Variants in UBE2K observed in about 807,000 individuals in gnomAD.
UBE2K encodes ubiquitin-conjugating enzyme E2 K.
Under a neutral mutation model 30.0 loss-of-function variants are expected in UBE2K, and 6 were observed. That is an observed-to-expected ratio of 0.20 (90% CI 0.11 to 0.39). The LOEUF is 0.39. Ranked by LOEUF, UBE2K falls within the 10% of genes least tolerant of loss-of-function variation. UBE2K has a pLI of 1.00. For synonymous variants in UBE2K, 86 were observed against 83.7 expected (o/e 1.03, Z -0.15); for missense variants, 61 against 241.6 (o/e 0.25, Z 4.96).
intron 1 of UBE2K, among the ~76,000 whole-genome samples, chr4:39,702,687 T>G (rs1456837976): frequency 6.6e-6 from 1 of 152,206 alleles, no homozygotes; most frequent in Non-Finnish European, 1.5e-5. Flanking sequence ...CCTTTAAAAT[T>G]TTAATGTACT....
intron 6 of UBE2K, 105 bp from the exon 7 acceptor site, chr4:39,778,255 A>G: frequency 1.7e-6 from 1 of 597,460 alleles, no homozygotes; most frequent in Non-Finnish European, 2.7e-6. Flanking sequence ...ATCAACTTAC[A>G]GAAAAGAAAC....
chr4:39,710,756 T>C (rs1484380297), intron 1 of UBE2K, among the ~76,000 whole-genome samples: 5 of 152,092 alleles, frequency 3.3e-5, no homozygotes, highest in African/African-American at 1.2e-4. Context: ...AGAGTTATAC[T>C]CATATCTGCT....
At chr4:39,754,440 C>G (rs1055114800) in intron 3 of UBE2K, among the ~76,000 whole-genome samples, 1 of 152,134 alleles carries the variant, frequency 6.6e-6, no homozygotes, top group Admixed American at 6.5e-5. Context: ...GTAAACAAAT[C>G]AAGAAGTCAC....
rs1717801258 is a variant in UBE2K at position 39,698,254 on chromosome 4, G to T, written c.-74G>T. 6.9e-7 allele frequency: 1 copy of T among 1,439,422 alleles called. No individual in the cohort carries two copies. The highest frequency in any genetic ancestry group is 9.6e-7 in the Non-Finnish European group (1 of 1,036,576). 89.2% of individuals were successfully genotyped at this position (1,439,422 alleles called of 1,614,324 possible). Reference sequence around the variant, plus strand: ...ATCGCCGAGGGAGGAGGCGGTGGAGGAAGAGGTGGCGGCGGTGGCGGTGGT... The same window carrying T: ...ATCGCCGAGGGAGGAGGCGGTGGAGTAAGAGGTGGCGGCGGTGGCGGTGGT... On this transcript the variant is annotated 5_prime_UTR_variant, in exon 1 of 7. Coordinates refer to ENST00000261427, the MANE Select transcript of UBE2K (RefSeq NM_005339.5).
intron 2 of UBE2K, 75 bp from the exon 3 acceptor site, chr4:39,745,677 A>G: frequency 1.0e-6 from 1 of 977,768 alleles, no homozygotes; most frequent in South Asian, 1.5e-5. Context: ...GCTGCTCTGA[A>G]AAGCTCATCA....
In UBE2K at chr4:39,715,786, C is replaced by T. The variant is rs190807414; in HGVS notation, c.63+17396C>T. 1.2e-4 allele frequency among the ~76,000 whole-genome samples: 19 copies of T among 152,156 alleles called. No homozygotes were observed. The East Asian group carries it at 3.5e-3, about 28-fold the overall frequency. On this transcript the variant is annotated intron_variant, in intron 1 of 6. Coordinates refer to ENST00000261427, the MANE Select transcript of UBE2K (RefSeq NM_005339.5). ...GATATTAATAAAGGCATTCTCGGACCCAGGTCACTGGTTGGCCTGACCTCC... is the reference window on the plus strand; with the variant it reads ...GATATTAATAAAGGCATTCTCGGACTCAGGTCACTGGTTGGCCTGACCTCC...
At chr4:39,717,719 AC>A (rs1348904302) in intron 1 of UBE2K, among the ~76,000 whole-genome samples, 3 of 152,134 alleles carry the variant, frequency 2.0e-5, no homozygotes, top group African/African-American at 7.2e-5. Flanking sequence ...GAAGCCACGG[AC>A]CCTTGCGGTG....
chr4:39,773,530 G>A (rs564216878), intron 4 of UBE2K, among the ~76,000 whole-genome samples: 2 of 152,182 alleles, frequency 1.3e-5, no homozygotes, highest in African/African-American at 4.8e-5. Context: ...TTTTTAGAGT[G>A]CCATTGAAAG....
At chr4:39,744,506 A>C (rs1720880751) in intron 2 of UBE2K, among the ~76,000 whole-genome samples, 1 of 152,078 alleles carries the variant, frequency 6.6e-6, no homozygotes, top group African/African-American at 2.4e-5. Context: ...TATAGCTGCT[A>C]GTTGCTCAAG....
intron 2 of UBE2K, among the ~76,000 whole-genome samples, chr4:39,743,628 G>A (rs563348968): frequency 6.6e-6 from 1 of 151,392 alleles, no homozygotes; most frequent in East Asian, 1.9e-4. Context: ...AGAATATAAT[G>A]AAACCTCTTC....
intron 4 of UBE2K, among the ~76,000 whole-genome samples, chr4:39,758,275 C>G (rs189028051): frequency 5.3e-5 from 8 of 152,328 alleles, no homozygotes; most frequent in Non-Finnish European, 4.4e-5. Flanking sequence ...TACTACCACA[C>G]TTTTCCAAAC....
At chr4:39,755,594 G>T in intron 3 of UBE2K, 63 bp from the exon 4 acceptor site, 1 of 1,185,802 alleles carries the variant, frequency 8.4e-7, no homozygotes, top group Non-Finnish European at 1.2e-6. Flanking sequence ...TCATTTTCTT[G>T]TAGTTCTACT....
chr4:39,770,626 C>T (rs199530554), intron 4 of UBE2K: 18,687 of 1,597,818 alleles, frequency 0.012, 168 homozygotes, highest in Non-Finnish European at 0.014. Context: ...TCCCCTTCTG[C>T]GTTCTCCGAC....
At chr4:39,742,907 A>G (rs1281473501) in intron 2 of UBE2K, among the ~76,000 whole-genome samples, 2 of 152,080 alleles carry the variant, frequency 1.3e-5, no homozygotes, top group East Asian at 1.9e-4. Flanking sequence ...TTAGCTGGGC[A>G]TTGTGGTGGG....
chr4:39,745,944 C>G (rs536007283), intron 3 of UBE2K, 134 bp downstream of exon 3: 13 of 638,362 alleles, frequency 2.0e-5, no homozygotes, highest in Non-Finnish European at 3.2e-5. Context: ...TTGATGTGGA[C>G]AGGATTTTAG....
chr4:39,764,102 T>G (rs950780423), intron 4 of UBE2K, among the ~76,000 whole-genome samples: 5 of 152,220 alleles, frequency 3.3e-5, no homozygotes, highest in Non-Finnish European at 7.3e-5. Context: ...AAACCTGTAA[T>G]CCTAGCATTT....
rs1713551552 is a variant in UBE2K, at chr4:39,780,580, TC to T, written c.*2150del. 1.3e-5 allele frequency: 2 copies of T among 152,098 alleles called. No homozygotes were observed. Among genetic ancestry groups the T allele is most frequent in the Admixed American group, 1.3e-4 (2 of 15,256 alleles). The allele number at this position is 152,098 out of a possible 1,614,324, so 9.4% of individuals were successfully genotyped here. ...ATACTCATCTAACTACACTTCAGCA[TC>T]CCCAGTGCCCAAGAAATTGGAAAGT... On this transcript the variant is annotated 3_prime_UTR_variant, in exon 7 of 7. Coordinates refer to ENST00000261427, the MANE Select transcript of UBE2K (RefSeq NM_005339.5).
chr4:39,773,865 G>A (rs550120669), intron 4 of UBE2K, among the ~76,000 whole-genome samples: 1 of 152,116 alleles, frequency 6.6e-6, no homozygotes, highest in Admixed American at 6.5e-5. Context: ...AGCTTGCAGG[G>A]AGCCGAGATC....
chr4:39,714,539 TATATATA>T lies in UBE2K; in HGVS notation c.63+16150_63+16156del, dbSNP rs1284795236. The stretch of plus-strand genomic sequence containing the variant: ...TTTCATATATATATATATATATATA[TATATATA>T]TATATTTTTTTTTTTTTTTAAGACT... On this transcript the variant is annotated intron_variant, in intron 1 of 6. Transcript: ENST00000261427. The T allele has an allele frequency of 3.2e-4, 16 of 50,054 alleles. 1 individual carries two copies. Among genetic ancestry groups the T allele is most frequent in the African/African-American group, 2.2e-3 (13 of 6,036 alleles). The allele number at this position is 50,054 out of a possible 1,614,324, so 3.1% of individuals were successfully genotyped here.
Sources: gnomAD v4.1 joint callset for allele counts (sites outside exome capture counted in the v4.1 genomes callset) on GRCh38, gnomAD v4.1.1 for gene constraint, MANE v1.5 for transcripts, NCBI Gene and HGNC (gene_info 2026-07-23, HGNC 2026-07-21) for gene names.